Variants in AGPAT4 observed in about 807,000 individuals in gnomAD.
AGPAT4 encodes the protein 1-acyl-sn-glycerol-3-phosphate acyltransferase delta.
Under a neutral mutation model 48.0 loss-of-function variants are expected in AGPAT4, and 15 were observed. The observed-to-expected ratio is 0.31, with a 90% CI of 0.21 to 0.48. The LOEUF (loss-of-function observed/expected upper bound fraction) is 0.48. AGPAT4 is among the 20% of genes least tolerant of loss of function. The pLI is 0.99. For missense variants in AGPAT4, 314 were observed against 482.5 expected (o/e 0.65, Z 3.27); for synonymous variants, 178 against 198.7 (o/e 0.90, Z 0.88).
chr6:161,240,219 TATACACACACACACAC>T lies in AGPAT4; in HGVS notation c.-89-7933_-89-7918del, dbSNP rs1782446024. 8.2e-6 allele frequency among the ~76,000 whole-genome samples: 1 copy of T among 121,870 alleles called. No homozygotes were observed. The highest frequency in any genetic ancestry group is 1.7e-5 in the Non-Finnish European group (1 of 59,992). 80.0% of individuals were successfully genotyped at this position (121,870 alleles called of 152,430 possible). A position where few individuals can be genotyped will look rare whatever the true frequency, so the allele number is the denominator to read the frequency against. ...AACACTAACAGCAGATATCTTTGTG[TATACACACACACACAC>T]ACACACACACACACACACACACACA... On this transcript the variant is annotated intron_variant, in intron 1 of 8. Coordinates refer to ENST00000320285, the MANE Select transcript of AGPAT4 (RefSeq NM_020133.3). The surrounding 1 kb of genome is among the most constrained non-coding windows in gnomAD (Gnocchi z 5.5).
At chr6:161,224,977 G>A (rs182284446) in intron 2 of AGPAT4, among the ~76,000 whole-genome samples, 2 of 152,114 alleles carry the variant, frequency 1.3e-5, no homozygotes, top group East Asian at 1.9e-4. Context: ...AACCTGTTTC[G>A]ATTACCTGCT....
In AGPAT4 at chr6:161,206,255, C is replaced by A. The variant is rs973454585; in HGVS notation, c.178+25781G>T. On this transcript the variant is annotated intron_variant, in intron 2 of 8. Coordinates refer to ENST00000320285, the MANE Select transcript of AGPAT4 (RefSeq NM_020133.3). The surrounding 1 kb of genome is among the most constrained non-coding windows in gnomAD (Gnocchi z 4.8). ...GGGGTGGGGGGCTGTAATTTCACAT[C>A]CTCTACCTGCTGGGTGACCGATGTC... Among the ~76,000 whole-genome samples, 24 of 152,238 alleles carry A rather than the reference C, an allele frequency of 1.6e-4. No homozygotes were observed. In the South Asian group the frequency reaches 1.9e-3, roughly 12 times the overall value.
At chr6:161,237,346 G>A (rs1782314310) in intron 1 of AGPAT4, among the ~76,000 whole-genome samples, 1 of 152,216 alleles carries the variant, frequency 6.6e-6, no homozygotes. Flanking sequence ...TGTGTGAAAG[G>A]AATTCATGGC....
In AGPAT4 at chr6:161,151,149, G is replaced by A. The variant is rs148412768; in HGVS notation, c.665-1860C>T. The stretch of plus-strand genomic sequence containing the variant: ...GTGAGAGCAGCCGCTGCCAGCCCCC[G>A]CCAGCCAGGAGCAAATCCCAGCTCG... On this transcript the variant is annotated intron_variant, in intron 5 of 8. Coordinates refer to ENST00000320285, the MANE Select transcript of AGPAT4 (RefSeq NM_020133.3). 1.9e-3 allele frequency among the ~76,000 whole-genome samples: 292 copies of A among 152,326 alleles called. 2 individuals are homozygous for A. The highest frequency in any genetic ancestry group is 0.012 in the East Asian group (61 of 5,192).
chr6:161,263,069 A>C (rs532919207), intron 1 of AGPAT4, among the ~76,000 whole-genome samples: 2 of 152,176 alleles, frequency 1.3e-5, no homozygotes, highest in African/African-American at 2.4e-5. Context: ...GAGACAGAGA[A>C]GGAAAAAGAG....
chr6:161,185,195 C>T (rs1287431411), intron 2 of AGPAT4, among the ~76,000 whole-genome samples: 2 of 145,932 alleles, frequency 1.4e-5, no homozygotes, highest in African/African-American at 5.1e-5. Context: ...TTAGAGAAAT[C>T]TGAATATAGG....
intron 1 of AGPAT4, among the ~76,000 whole-genome samples, chr6:161,239,774 T>C (rs1393450457): frequency 6.6e-6 from 1 of 152,226 alleles, no homozygotes; most frequent in Non-Finnish European, 1.5e-5. Context: ...TACTCCATTC[T>C]ACAGAGATGA....
At chr6:161,194,650 G>A (rs1781021298) in intron 2 of AGPAT4, among the ~76,000 whole-genome samples, 1 of 151,812 alleles carries the variant, frequency 6.6e-6, no homozygotes, top group African/African-American at 2.4e-5. Context: ...GTATGTGTAT[G>A]TATGTATGTG....
chr6:161,165,614 A>T lies in AGPAT4; in HGVS notation c.348+634T>A, dbSNP rs757612927. Reference sequence around the variant, plus strand: ...GATGACTCTGATTCAGCTATGTGACACAGGCTCAACCGCTACACGCTGCAG... The same window carrying T: ...GATGACTCTGATTCAGCTATGTGACTCAGGCTCAACCGCTACACGCTGCAG... On this transcript the variant is annotated intron_variant, in intron 3 of 8. Coordinates refer to ENST00000320285, the MANE Select transcript of AGPAT4 (RefSeq NM_020133.3). This position sits in a 1 kb window ranked among gnomAD's most constrained non-coding sequence, Gnocchi z 5.5. 7.7e-7 allele frequency: 1 copy of T among 1,302,094 alleles called. No homozygotes were observed. The highest frequency in any genetic ancestry group is 1.2e-5 in the South Asian group (1 of 80,772). The allele number at this position is 1,302,094 out of a possible 1,614,324, so 80.7% of individuals were successfully genotyped here. A position where few individuals can be genotyped will look rare whatever the true frequency, so the allele number is the denominator to read the frequency against.
intron 2 of AGPAT4, among the ~76,000 whole-genome samples, chr6:161,170,117 G>C (rs993288538): frequency 1.3e-5 from 2 of 152,124 alleles, no homozygotes; most frequent in African/African-American, 4.8e-5. Flanking sequence ...CCATTCTCAT[G>C]AGGCTCCCGC....
In AGPAT4 at chr6:161,272,421, C is replaced by T. The variant is rs1783453224; in HGVS notation, c.-90+1517G>A. ...ATAAAAGCTAATTATTTGGGATGCC[C>T]ATCAGAAGAATGGTATCCCTTATCA... On this transcript the variant is annotated intron_variant, in intron 1 of 8. Coordinates refer to ENST00000320285, the MANE Select transcript of AGPAT4 (RefSeq NM_020133.3). The surrounding 1 kb of genome is among the most constrained non-coding windows in gnomAD (Gnocchi z 4.2). 6.6e-6 allele frequency among the ~76,000 whole-genome samples: 1 copy of T among 152,042 alleles called. No homozygotes were observed. The highest frequency in any genetic ancestry group is 6.6e-5 in the Admixed American group (1 of 15,252).
rs545939422 is a variant in AGPAT4, at chr6:161,136,904, G to A, written c.1043-270C>T. Among the ~76,000 whole-genome samples the A allele has an allele frequency of 3.3e-5, 5 of 152,326 alleles. No homozygotes were observed. In the South Asian group the frequency reaches 8.3e-4, roughly 25 times the overall value. ...ATGATTTGGCAAGCCATGCACAGCC[G>A]TTCGCAGGGACTCAGAGAAATCCCT... On this transcript the variant is annotated intron_variant, in intron 8 of 8. Transcript: ENST00000320285.
Position 161,218,559 on chromosome 6 carries a change from T to C in AGPAT4, c.178+13477A>G, listed in dbSNP as rs79583701. On this transcript the variant is annotated intron_variant, in intron 2 of 8. Coordinates refer to ENST00000320285, the MANE Select transcript of AGPAT4 (RefSeq NM_020133.3). This position sits in a 1 kb window ranked among gnomAD's most constrained non-coding sequence, Gnocchi z 4.7. Reference sequence around the variant, plus strand: ...TGTGTCACCAAGGTGGTTAGGCCACTGTTCAGAAGCCAAGACTCCAGGCTC... The same window carrying C: ...TGTGTCACCAAGGTGGTTAGGCCACCGTTCAGAAGCCAAGACTCCAGGCTC... Among the ~76,000 whole-genome samples the C allele has an allele frequency of 3.3e-4, 50 of 152,298 alleles. No homozygotes were observed. In the East Asian group the frequency reaches 8.3e-3, roughly 25 times the overall value.
chr6:161,192,331 A>G (rs1359680669), intron 2 of AGPAT4, among the ~76,000 whole-genome samples: 1 of 151,722 alleles, frequency 6.6e-6, no homozygotes, highest in African/African-American at 2.4e-5. Context: ...TTGTATTTTT[A>G]GTAGAAACGG....
rs1781047862 is a variant in AGPAT4, at chr6:161,195,615, CA to C, written c.179-29199del. 6.6e-6 allele frequency among the ~76,000 whole-genome samples: 1 copy of C among 152,218 alleles called. No individual in the cohort carries two copies. Among genetic ancestry groups the C allele is most frequent in the Non-Finnish European group, 1.5e-5 (1 of 68,036 alleles). On this transcript the variant is annotated intron_variant, in intron 2 of 8. Coordinates refer to ENST00000320285, the MANE Select transcript of AGPAT4 (RefSeq NM_020133.3). The surrounding 1 kb of genome is among the most constrained non-coding windows in gnomAD (Gnocchi z 5.0). ...ATGTTGCAGAACTTCATCATGTGAT[CA>C]AAGCTGCAGAAGGAGAAAGAGACCT... is the stretch of plus-strand genomic sequence containing the variant.
Position 161,234,288 on chromosome 6 carries a change from G to T in AGPAT4, c.-89-1986C>A, listed in dbSNP as rs1782206372. Among the ~76,000 whole-genome samples, 1 of 152,194 alleles carries T rather than the reference G, an allele frequency of 6.6e-6. No homozygotes were observed. Among genetic ancestry groups the T allele is most frequent in the African/African-American group, 2.4e-5 (1 of 41,448 alleles). On this transcript the variant is annotated intron_variant, in intron 1 of 8. Coordinates refer to ENST00000320285, the MANE Select transcript of AGPAT4 (RefSeq NM_020133.3). This position sits in a 1 kb window ranked among gnomAD's most constrained non-coding sequence, Gnocchi z 4.4. Reference sequence around the variant, plus strand: ...CAAGATTCCTATACATTTCTGATAGGAGGGAAATGGGAAGAAGCTTTCGGC... The same window carrying T: ...CAAGATTCCTATACATTTCTGATAGTAGGGAAATGGGAAGAAGCTTTCGGC...
rs1486303889 is a variant in AGPAT4, at chr6:161,197,230, A to G, written c.179-30813T>C. ...CTCCGAACGTTGAATGTGCTAATGG[A>G]CAGTGAGCGCTTTCAGAGAGGGGCC... On this transcript the variant is annotated intron_variant, in intron 2 of 8. Transcript: ENST00000320285. The surrounding 1 kb of genome is among the most constrained non-coding windows in gnomAD (Gnocchi z 5.7). Among the ~76,000 whole-genome samples, 1 of 152,146 alleles carries G rather than the reference A, an allele frequency of 6.6e-6. No individual in the cohort carries two copies. The highest frequency in any genetic ancestry group is 6.5e-5 in the Admixed American group (1 of 15,274).
intron 1 of AGPAT4, among the ~76,000 whole-genome samples, chr6:161,252,627 G>C (rs1212661916): frequency 1.0e-5 from 1 of 99,256 alleles, no homozygotes; most frequent in Admixed American, 1.0e-4. Context: ...GTTGGAGATT[G>C]GTCTCGGCAA....
chr6:161,260,025 G>A (rs1007689262), intron 1 of AGPAT4, among the ~76,000 whole-genome samples: 10 of 152,088 alleles, frequency 6.6e-5, no homozygotes, highest in Admixed American at 3.3e-4. Context: ...AGTGAACTGC[G>A]TGCCACTATA....
Sources: allele counts gnomAD v4.1 joint callset (sites outside exome capture counted in the v4.1 genomes callset), GRCh38; gene constraint gnomAD v4.1.1; non-coding constraint Gnocchi (gnomAD v3.1); transcripts MANE v1.5; gene names NCBI Gene and HGNC (gene_info 2026-07-23, HGNC 2026-07-21).